Variants in LRP1B observed in about 807,000 individuals in gnomAD.
LRP1B encodes the protein low-density lipoprotein receptor-related protein 1B.
In LRP1B, 217 loss-of-function variants were observed where a neutral mutation model predicts 556.6. That is an observed-to-expected ratio of 0.39 (90% CI 0.35 to 0.44). The LOEUF is 0.44. LRP1B is among the 20% of genes least tolerant of loss of function. LRP1B has a pLI of 1.00. For synonymous variants in LRP1B, 2,047 were observed against 1,865.8 expected, an observed-to-expected ratio of 1.10 and a Z score of -2.50; for missense variants, 5,053 against 5,620.8, an observed-to-expected ratio of 0.90 and a Z score of 3.23.
At chr2:140,725,162 T>C (rs1687547720) in intron 35 of LRP1B, among the ~76,000 whole-genome samples, 1 of 152,178 alleles carries the variant, frequency 6.6e-6, no homozygotes. Context: ...CAGTTAACAC[T>C]AATCCAAACC....
chr2:140,283,520 A>G (rs1283543140), intron 84 of LRP1B, among the ~76,000 whole-genome samples: 1 of 149,758 alleles, frequency 6.7e-6, no homozygotes, highest in African/African-American at 2.4e-5. Context: ...TTCTATATAA[A>G]GGAATTTTGA....
At chr2:140,287,627 A>G (rs1375088168) in intron 84 of LRP1B, among the ~76,000 whole-genome samples, 1 of 143,030 alleles carries the variant, frequency 7.0e-6, no homozygotes, top group East Asian at 2.1e-4. Flanking sequence ...TGGATCTTCA[A>G]GGGATATTGC....
chr2:140,551,479 A>G (rs7597782), intron 43 of LRP1B, among the ~76,000 whole-genome samples: 73,439 of 151,966 alleles, frequency 0.48, 18,177 homozygotes, highest in South Asian at 0.59. Flanking sequence ...TCTGAGAAGG[A>G]CACAGGCCTG....
At chr2:140,416,564 G>A (rs767864650) in intron 66 of LRP1B, among the ~76,000 whole-genome samples, 15 of 152,084 alleles carry the variant, frequency 9.9e-5, no homozygotes, top group Non-Finnish European at 1.8e-4. Context: ...GCTGAGGTGG[G>A]AGTATGGCTT....
chr2:141,152,325 A>T (rs1051297103), intron 7 of LRP1B, among the ~76,000 whole-genome samples: 1 of 152,038 alleles, frequency 6.6e-6, no homozygotes, highest in Non-Finnish European at 1.5e-5. Context: ...GGTTTCCAAA[A>T]TTCTTATTCT....
intron 2 of LRP1B, among the ~76,000 whole-genome samples, chr2:141,769,520 A>G (rs16847095): frequency 0.35 from 52,806 of 151,982 alleles, 9,379 homozygotes; most frequent in African/African-American, 0.44. Context: ...CAGAGGAAAG[A>G]TTTAGGGCAA....
intron 1 of LRP1B, among the ~76,000 whole-genome samples, chr2:141,985,424 C>T (rs1479811057): frequency 6.6e-6 from 1 of 152,064 alleles, no homozygotes; most frequent in Non-Finnish European, 1.5e-5. Flanking sequence ...AATATGATTT[C>T]AACACTTTTG....
chr2:142,124,204 G>C (rs565630936), intron 1 of LRP1B, among the ~76,000 whole-genome samples: 1 of 151,654 alleles, frequency 6.6e-6, no homozygotes, highest in South Asian at 2.1e-4. Context: ...CCTCCCCCTT[G>C]AGTAGACCCC....
intron 3 of LRP1B, among the ~76,000 whole-genome samples, chr2:141,321,442 C>T (rs886160809): frequency 6.6e-6 from 1 of 152,068 alleles, no homozygotes. Flanking sequence ...TTTCCAGCAG[C>T]TCTGTTTAGG....
chr2:142,027,655 G>T (rs1025740353), intron 1 of LRP1B, among the ~76,000 whole-genome samples: 2 of 145,958 alleles, frequency 1.4e-5, no homozygotes, highest in African/African-American at 5.0e-5. Context: ...ATTAACATTT[G>T]TTACATTAAA....
At chr2:140,281,825 T>G (rs1682925189) in intron 84 of LRP1B, among the ~76,000 whole-genome samples, 1 of 151,784 alleles carries the variant, frequency 6.6e-6, no homozygotes, top group South Asian at 2.1e-4. Flanking sequence ...ACTGTTATAT[T>G]TAATTGTGTC....
At chr2:141,300,081 A>G (rs34510177) in intron 3 of LRP1B, among the ~76,000 whole-genome samples, 40,328 of 152,178 alleles carry the variant, frequency 0.27, 6,052 homozygotes, top group Middle Eastern at 0.46. Context: ...ACATGAAGAT[A>G]CAACAAGAAG....
intron 7 of LRP1B, among the ~76,000 whole-genome samples, chr2:141,074,791 T>A (rs1405214605): frequency 1.3e-5 from 2 of 152,016 alleles, no homozygotes; most frequent in African/African-American, 2.4e-5. Flanking sequence ...ATTTTCCAGA[T>A]TATACAGCAT....
At chr2:140,557,099 T>A (rs987572263) in intron 43 of LRP1B, among the ~76,000 whole-genome samples, 1 of 152,138 alleles carries the variant, frequency 6.6e-6, no homozygotes, top group African/African-American at 2.4e-5. Context: ...TAGTTTTCAA[T>A]CAAATTTATT....
At chr2:141,074,000 AT>A (rs1160649910) in intron 7 of LRP1B, among the ~76,000 whole-genome samples, 3 of 152,094 alleles carry the variant, frequency 2.0e-5, no homozygotes, top group Non-Finnish European at 2.9e-5. Flanking sequence ...ATTATGTGTT[AT>A]AAACCTTCCT....
chr2:141,937,057 C>T (rs1273706439), intron 1 of LRP1B, among the ~76,000 whole-genome samples: 1 of 146,722 alleles, frequency 6.8e-6, no homozygotes, highest in African/African-American at 2.5e-5. Context: ...TAAAAAGTAA[C>T]CTTAAAGTAA....
chr2:140,638,891 A>T (rs1684172132), intron 41 of LRP1B, among the ~76,000 whole-genome samples: 1 of 151,816 alleles, frequency 6.6e-6, no homozygotes. Flanking sequence ...TGTATATATA[A>T]ATATGAACAA....
chr2:141,342,274 A>AAAATAAATAAAT (rs5834823), intron 3 of LRP1B, among the ~76,000 whole-genome samples: 1,629 of 142,052 alleles, frequency 0.011, 22 homozygotes, highest in Middle Eastern at 0.019. Flanking sequence ...AAATAAAAAT[A>AAAATAAATAAAT]AAATAAATAA....
intron 6 of LRP1B, among the ~76,000 whole-genome samples, chr2:141,221,722 A>C (rs1486262085): frequency 6.6e-6 from 1 of 152,196 alleles, no homozygotes; most frequent in Non-Finnish European, 1.5e-5. Context: ...ATCATTACCA[A>C]CTGTATCTTA....
Sources: allele counts gnomAD v4.1 joint callset (sites outside exome capture counted in the v4.1 genomes callset), GRCh38; gene constraint gnomAD v4.1.1; transcripts MANE v1.5; gene names NCBI Gene and HGNC (gene_info 2026-07-23, HGNC 2026-07-21).